Variants in ITGB8 observed in about 807,000 individuals in gnomAD.
ITGB8 encodes the protein integrin beta-8.
In ITGB8, 30 loss-of-function variants were observed where a neutral mutation model predicts 89.5. The observed-to-expected ratio is 0.34, with a 90% CI of 0.25 to 0.45. The LOEUF (loss-of-function observed/expected upper bound fraction) is 0.45, where lower values mean the gene tolerates loss of function less well. Ranked by LOEUF, ITGB8 falls within the 20% of genes least tolerant of loss-of-function variation. ITGB8 has a pLI of 1.00. For missense variants in ITGB8, 836 were observed against 933.3 expected, an observed-to-expected ratio of 0.90 and a Z score of 1.36; for synonymous variants, 335 against 320.4, an observed-to-expected ratio of 1.05 and a Z score of -0.49.
chr7:20,414,816 T>G lies in ITGB8; in HGVS notation c.*4819T>G, dbSNP rs988028908. On this transcript the variant is annotated 3_prime_UTR_variant, in exon 14 of 14. Transcript: ENST00000222573. Reference sequence around the variant, plus strand: ...AGAGTAATAACACTACTCTTTTATCTACCTGGAATACTTTTCTGCATAAAA... The same window carrying G: ...AGAGTAATAACACTACTCTTTTATCGACCTGGAATACTTTTCTGCATAAAA... 2.6e-5 allele frequency: 4 copies of G among 152,616 alleles called. No individual in the cohort carries two copies. The highest frequency in any genetic ancestry group is 9.6e-5 in the African/African-American group (4 of 41,468). 9.5% of individuals were successfully genotyped at this position (152,616 alleles called of 1,614,324 possible).
rs748097735 is a variant in ITGB8, at chr7:20,406,046, C to CT, written c.1914-15dup. ...TTTTAAAGAATAAATATTTTCACTT[C>CT]TGTTTCCCCTTGCAGGAATTGTATG... On this transcript the variant is annotated splice_polypyrimidine_tract_variant and intron_variant, in intron 11 of 13. Coordinates refer to ENST00000222573, the MANE Select transcript of ITGB8 (RefSeq NM_002214.3). 1.0e-5 allele frequency: 15 copies of CT among 1,430,648 alleles called. No homozygotes were observed. The highest frequency in any genetic ancestry group is 9.9e-7 in the Non-Finnish European group (1 of 1,012,954). The allele number at this position is 1,430,648 out of a possible 1,614,324, so 88.6% of individuals were successfully genotyped here.
intron 7 of ITGB8, 97 bp from the exon 8 acceptor site, chr7:20,394,799 C>T (rs1787004660): frequency 2.4e-6 from 2 of 839,216 alleles, no homozygotes; most frequent in East Asian, 5.1e-5. Flanking sequence ...TAATGGTTCA[C>T]CTTCAACTGA....
At position 20,331,538 on chromosome 7, in the gene ITGB8, G is replaced by C. The variant is rs973185379; in HGVS notation, c.-269G>C. The C allele has an allele frequency of 2.9e-5, 13 of 443,266 alleles. No individual in the cohort carries two copies. Among genetic ancestry groups the C allele is most frequent in the Non-Finnish European group, 5.1e-5 (13 of 255,858 alleles). 27.5% of individuals were successfully genotyped at this position (443,266 alleles called of 1,614,324 possible). ...GAGCCCTCTCTCCAGTCGCCGCCGGGGCCCTTGGCCGTCGAAGGAGGTGCT... is the reference window on the plus strand; with the variant it reads ...GAGCCCTCTCTCCAGTCGCCGCCGGCGCCCTTGGCCGTCGAAGGAGGTGCT... On this transcript the variant is annotated 5_prime_UTR_variant, in exon 1 of 14. Transcript: ENST00000222573.
intron 8 of ITGB8, 119 bp downstream of exon 8, chr7:20,395,104 A>G (rs192676024): frequency 5.4e-5 from 33 of 612,240 alleles, no homozygotes; most frequent in Admixed American, 3.7e-4. Context: ...TAGATTAGGA[A>G]TTAGGAATCT....
intron 1 of ITGB8, among the ~76,000 whole-genome samples, chr7:20,340,233 G>A (rs978048834): frequency 6.6e-6 from 1 of 152,148 alleles, no homozygotes; most frequent in African/African-American, 2.4e-5. Context: ...AGAATCTGTT[G>A]CTATTCCAGA....
chr7:20,398,931 C>G lies in ITGB8; in HGVS notation c.1218C>G (p.Ile406Met), dbSNP rs1020174894. 1 of 1,611,044 alleles carries G rather than the reference C, an allele frequency of 6.2e-7. No individual in the cohort carries two copies. Among genetic ancestry groups the G allele is most frequent in the Non-Finnish European group, 8.5e-7 (1 of 1,178,742 alleles). The change falls in exon 9 of 14, where the codon ATC (isoleucine) becomes ATG (methionine). Residue 406 changes from isoleucine (I) to methionine (M), a missense_variant. Coordinates refer to ENST00000222573, the MANE Select transcript of ITGB8 (RefSeq NM_002214.3). ...VQGIYFNITA[I>M]CPDGSRKPGM... Reference sequence around the variant, plus strand: ...GCATCTATTTTAACATTACCGCCATCTGTCCAGATGGGTCCAGAAAGCCAG... The same window carrying G: ...GCATCTATTTTAACATTACCGCCATGTGTCCAGATGGGTCCAGAAAGCCAG...
rs1341757785 is a variant in ITGB8 at position 20,413,679 on chromosome 7, C to G, written c.*3682C>G. ...AATTGATCTTAAAGCTCATTTGAGT[C>G]TTTGCCCCTGAACAAAGACAGACCC... On this transcript the variant is annotated 3_prime_UTR_variant, in exon 14 of 14. Coordinates refer to ENST00000222573, the MANE Select transcript of ITGB8 (RefSeq NM_002214.3). 2 of 152,032 alleles carry G rather than the reference C, an allele frequency of 1.3e-5. No individual in the cohort carries two copies. The highest frequency in any genetic ancestry group is 2.9e-5 in the Non-Finnish European group (2 of 67,930). The allele number at this position is 152,032 out of a possible 1,614,324, so 9.4% of individuals were successfully genotyped here.
At chr7:20,369,107 T>A (rs550582907) in intron 3 of ITGB8, among the ~76,000 whole-genome samples, 14 of 152,214 alleles carry the variant, frequency 9.2e-5, no homozygotes, top group Non-Finnish European at 1.9e-4. Context: ...CCTGCAAATC[T>A]TTCAGAATTC....
chr7:20,405,314 A>T (rs920327966), intron 11 of ITGB8, among the ~76,000 whole-genome samples: 15 of 145,504 alleles, frequency 1.0e-4, no homozygotes, highest in Non-Finnish European at 1.6e-4. Context: ...TTTTATATTT[A>T]ATATATATAT....
rs536150135 is a variant in ITGB8, at chr7:20,413,443, G to T, written c.*3446G>T. 14 of 152,502 alleles carry T rather than the reference G, an allele frequency of 9.2e-5. No homozygotes were observed. The highest frequency in any genetic ancestry group is 1.9e-4 in the Non-Finnish European group (13 of 67,968). The allele number at this position is 152,502 out of a possible 1,614,324, so 9.4% of individuals were successfully genotyped here. ...TCAGACACTGAAATATATTATGATAGATTATGAAGAATTTTCTCTGTAGAA... is the reference window on the plus strand; with the variant it reads ...TCAGACACTGAAATATATTATGATATATTATGAAGAATTTTCTCTGTAGAA... On this transcript the variant is annotated 3_prime_UTR_variant, in exon 14 of 14. Transcript: ENST00000222573.
chr7:20,356,725 C>G (rs1310977995), intron 1 of ITGB8, among the ~76,000 whole-genome samples: 1 of 151,986 alleles, frequency 6.6e-6, no homozygotes, highest in Non-Finnish European at 1.5e-5. Flanking sequence ...TTCTTTTTGC[C>G]AGATAACCAT....
At chr7:20,340,836 A>G (rs1240426677) in intron 1 of ITGB8, among the ~76,000 whole-genome samples, 1 of 152,222 alleles carries the variant, frequency 6.6e-6, no homozygotes, top group Non-Finnish European at 1.5e-5. Context: ...TTAGAATATT[A>G]TGAGGTCAAA....
Position 20,379,496 on chromosome 7 carries a change from T to G in ITGB8, c.635+199T>G, listed in dbSNP as rs188873082. ...GTAGATTGGGCTTTTTATTTTATAT[T>G]TCTTTAAATATTTAGTCAGTTTTTA... is the stretch of plus-strand genomic sequence containing the variant. On this transcript the variant is annotated intron_variant, in intron 4 of 13. Coordinates refer to ENST00000222573, the MANE Select transcript of ITGB8 (RefSeq NM_002214.3). 28 of 243,028 alleles carry G rather than the reference T, an allele frequency of 1.2e-4. No individual in the cohort carries two copies. The South Asian group carries it at 1.4e-3, about 12-fold the overall frequency. 15.1% of individuals were successfully genotyped at this position (243,028 alleles called of 1,614,324 possible). A position where few individuals can be genotyped will look rare whatever the true frequency, so the allele number is the denominator to read the frequency against.
rs1335513345 is a variant in ITGB8, at chr7:20,378,977, G to T, written c.389-74G>T. On this transcript the variant is annotated intron_variant, in intron 3 of 13. Transcript: ENST00000222573. The stretch of plus-strand genomic sequence containing the variant: ...ATGATTGTGCTAGGTGCTAGAATGT[G>T]ACTAATTTATTAAGAGCTTATCCTG... The T allele has an allele frequency of 6.5e-6, 8 of 1,233,334 alleles. No homozygotes were observed. In the African/African-American group the frequency reaches 9.2e-5, roughly 14 times the overall value. 76.4% of individuals were successfully genotyped at this position (1,233,334 alleles called of 1,614,324 possible). A position where few individuals can be genotyped will look rare whatever the true frequency, so the allele number is the denominator to read the frequency against.
chr7:20,385,601 T>C (rs906717850), intron 6 of ITGB8, among the ~76,000 whole-genome samples: 10 of 152,244 alleles, frequency 6.6e-5, no homozygotes, highest in African/African-American at 2.4e-4. Context: ...ACAGTTTTGC[T>C]TTCTCACTGG....
intron 1 of ITGB8, among the ~76,000 whole-genome samples, chr7:20,334,374 A>G (rs1018111358): frequency 3.5e-4 from 53 of 152,218 alleles, no homozygotes; most frequent in African/African-American, 1.2e-3. Flanking sequence ...AAGATTAAGA[A>G]CTTTCATTAC....
chr7:20,352,178 G>A (rs1327355210), intron 1 of ITGB8: 2 of 152,198 alleles, frequency 1.3e-5, no homozygotes, highest in African/African-American at 4.8e-5. Context: ...GGGCCTTGGG[G>A]GCCCTCCTTG....
chr7:20,406,326 G>T (rs1211027277), intron 12 of ITGB8, among the ~76,000 whole-genome samples, 155 bp downstream of exon 12: 1 of 152,300 alleles, frequency 6.6e-6, no homozygotes, highest in Admixed American at 6.5e-5. Context: ...CAAGGCGGGT[G>T]GATCACCTGA....
chr7:20,409,698 A>T lies in ITGB8; in HGVS notation c.2107A>T (p.Ile703Phe). 2 of 1,608,014 alleles carry T rather than the reference A, an allele frequency of 1.2e-6. No individual in the cohort carries two copies. The highest frequency in any genetic ancestry group is 1.7e-6 in the Non-Finnish European group (2 of 1,174,912). The part of the protein sequence containing the change: ...TFLIGLLKVL[I>F]IRQVILQWNS... ...CTTGATTGGGTTGCTTAAAGTCCTG[A>T]TCATTAGACAGGTGATACTACAATG... is the stretch of plus-strand genomic sequence containing the variant. The change falls in exon 13 of 14, where the codon ATC becomes TTC. Residue 703 changes from isoleucine to phenylalanine, a missense_variant. By Grantham distance (21) the Ile-to-Phe change is conservative. Coordinates refer to ENST00000222573, the MANE Select transcript of ITGB8 (RefSeq NM_002214.3).
Sources: gnomAD v4.1 joint callset for allele counts (sites outside exome capture counted in the v4.1 genomes callset) on GRCh38, gnomAD v4.1.1 for gene constraint, MANE v1.5 for transcripts, NCBI Gene and HGNC (gene_info 2026-07-23, HGNC 2026-07-21) for gene names.